TULP4: variants seen among roughly 807,000 people sequenced by gnomAD.
The protein encoded by TULP4 is TUB like protein 4.
A neutral mutation model predicts 129.0 loss-of-function variants in TULP4; 16 were observed. That is an observed-to-expected ratio of 0.12 (90% CI 0.08 to 0.19). The LOEUF (loss-of-function observed/expected upper bound fraction) is 0.19. TULP4 is among the 10% of genes least tolerant of loss of function. The probability of loss-of-function intolerance (pLI) is 1.00; values close to 1 mark genes in which losing one functional copy is unlikely to be tolerated. For synonymous variants in TULP4, 998 were observed against 854.0 expected (o/e 1.17, Z -2.94); for missense variants, 1,842 against 2,059.1 (o/e 0.89, Z 2.04).
intron 1 of TULP4, among the ~76,000 whole-genome samples, chr6:158,351,913 G>A (rs535771760): frequency 1.3e-4 from 19 of 151,740 alleles, no homozygotes; most frequent in Admixed American, 1.2e-3. Context: ...GTAGAGACAG[G>A]GTTTCACCAT....
rs768489332 is a variant in TULP4, at chr6:158,479,966, C to T, written c.1242C>T (p.Pro414=). The stretch of plus-strand genomic sequence containing the variant: ...CCTACCTCTCCACTGCCTTCATCCC[C>T]ACCATCAAGGTAAAGCCCTCCACCC... ...LCSYLSTAFI[P]TIKPPIPDPN... is the part of the protein sequence containing the mutation. Residue 414 remains proline (P), a synonymous_variant, in exon 7 of 14, where the codon CCC becomes CCT. Coordinates refer to ENST00000367097, the MANE Select transcript of TULP4 (RefSeq NM_020245.5). 6.2e-7 allele frequency: 1 copy of T among 1,605,576 alleles called. No homozygotes were observed. Among genetic ancestry groups the T allele is most frequent in the Non-Finnish European group, 8.5e-7 (1 of 1,178,192 alleles).
chr6:158,487,967 A>T (rs1780110689), intron 8 of TULP4, among the ~76,000 whole-genome samples: 1 of 152,188 alleles, frequency 6.6e-6, no homozygotes, highest in African/African-American at 2.4e-5. Flanking sequence ...GAGACAGACA[A>T]TAAAATAGTA....
chr6:158,440,293 G>C (rs1778858566), intron 3 of TULP4, among the ~76,000 whole-genome samples: 1 of 141,626 alleles, frequency 7.1e-6, no homozygotes, highest in Non-Finnish European at 1.5e-5. Context: ...ACTCCAGCCT[G>C]GATGACAGAG....
Position 158,368,019 on chromosome 6 carries a change from T to C in TULP4, c.253-45046T>C, listed in dbSNP as rs1357587444. ...GAGGTATGAGGATCACCCAAGCCCA[T>C]AGATCGAGGCTGCAGTGAGTCACTC... is the stretch of plus-strand genomic sequence containing the variant. On this transcript the variant is annotated intron_variant, in intron 1 of 13. Coordinates refer to ENST00000367097, the MANE Select transcript of TULP4 (RefSeq NM_020245.5). 2.4e-5 allele frequency among the ~76,000 whole-genome samples: 3 copies of C among 126,264 alleles called. No individual in the cohort carries two copies. In the East Asian group the frequency reaches 6.8e-4, roughly 29 times the overall value. The allele number at this position is 126,264 out of a possible 152,430, so 82.8% of individuals were successfully genotyped here. A position where few individuals can be genotyped will look rare whatever the true frequency, so the allele number is the denominator to read the frequency against.
intron 1 of TULP4, among the ~76,000 whole-genome samples, chr6:158,325,404 G>A (rs534537494): frequency 4.0e-5 from 6 of 150,510 alleles, no homozygotes; most frequent in Non-Finnish European, 7.4e-5. Context: ...CCAGGCTGGA[G>A]TGCAGTGGTT....
At position 158,502,073 on chromosome 6, in the gene TULP4, G is replaced by A. The variant is rs375609118; in HGVS notation, c.2410G>A (p.Ala804Thr). ...CGAACACCTGCAGAAGTCAGCCAAG[G>A]CCCTGCGGCCAACACCGCAGCTGGC... ...DHEHLQKSAK[A>T]LRPTPQLAAE... Residue 804 changes from alanine (A) to threonine (T), a missense_variant, in exon 13 of 14, where the codon GCC (alanine) becomes ACC (threonine). Physicochemically the swap from Ala to Thr is moderately conservative, Grantham distance 58. Around this residue, in one of 5 missense-constraint regions of TULP4, gnomAD observed 1,089 missense variants for 987.1 expected, o/e 1.10. Coordinates refer to ENST00000367097, the MANE Select transcript of TULP4 (RefSeq NM_020245.5). 6.2e-7 allele frequency: 1 copy of A among 1,612,676 alleles called. No homozygotes were observed. The highest frequency in any genetic ancestry group is 1.3e-5 in the African/African-American group (1 of 74,800).
At chr6:158,446,920 T>G (rs1779059946) in intron 3 of TULP4, among the ~76,000 whole-genome samples, 1 of 152,148 alleles carries the variant, frequency 6.6e-6, no homozygotes, top group South Asian at 2.1e-4. Context: ...TTGTCTAAAC[T>G]GAATCATCCC....
At chr6:158,428,234 C>T (rs1181606905) in intron 2 of TULP4, 4 of 152,196 alleles carry the variant, frequency 2.6e-5, no homozygotes, top group African/African-American at 7.2e-5. Flanking sequence ...GTCTACCAAA[C>T]TTTCAAGCAA....
At chr6:158,301,044 T>C (rs541765135) in intron 1 of TULP4, among the ~76,000 whole-genome samples, 2 of 152,244 alleles carry the variant, frequency 1.3e-5, no homozygotes, top group East Asian at 3.9e-4. Flanking sequence ...ATAGAAAGGG[T>C]GTCTACGTTG....
chr6:158,423,104 C>T lies in TULP4; in HGVS notation c.382-6632C>T, dbSNP rs1466943265. Among the ~76,000 whole-genome samples, 3 of 136,960 alleles carry T rather than the reference C, an allele frequency of 2.2e-5. No homozygotes were observed. In the Admixed American group the frequency reaches 2.4e-4, roughly 11 times the overall value. The allele number at this position is 136,960 out of a possible 152,430, so 89.9% of individuals were successfully genotyped here. A position where few individuals can be genotyped will look rare whatever the true frequency, so the allele number is the denominator to read the frequency against. ...CCTGCCTGGGCAATACAGCAAGACC[C>T]CTTCCTCCACAAAAAAGAGGGGGGG... On this transcript the variant is annotated intron_variant, in intron 2 of 13. Transcript: ENST00000367097.
Position 158,506,980 on chromosome 6 carries a change from G to A in TULP4, c.*286G>A, listed in dbSNP as rs528398839. On this transcript the variant is annotated 3_prime_UTR_variant, in exon 14 of 14. Transcript: ENST00000367097. ...TGTTCTTTCAGGAAACAGCTTGGCT[G>A]TGGTAATGCTCTACTGGGCCCTTCA... The A allele has an allele frequency of 5.6e-4, 240 of 426,710 alleles. No homozygotes were observed. Among genetic ancestry groups the A allele is most frequent in the African/African-American group, 4.3e-3 (215 of 49,626 alleles). The allele number at this position is 426,710 out of a possible 1,614,324, so 26.4% of individuals were successfully genotyped here.
chr6:158,502,088 C>T lies in TULP4; in HGVS notation c.2425C>T (p.Pro809Ser). ...QKSAKALRPTPQLAAEGDAVV... is the reference protein window; with the variant it reads ...QKSAKALRPTSQLAAEGDAVV... ...GTCAGCCAAGGCCCTGCGGCCAACA[C>T]CGCAGCTGGCAGCTGAGGGGGACGC... The change falls in exon 13 of 14, where the codon CCG (proline) becomes TCG (serine). Residue 809 changes from proline to serine, a missense_variant. Pro to Ser is a moderately conservative substitution (Grantham distance 74). Transcript: ENST00000367097. 2 of 1,611,858 alleles carry T rather than the reference C, an allele frequency of 1.2e-6. No individual in the cohort carries two copies. The highest frequency in any genetic ancestry group is 1.7e-6 in the Non-Finnish European group (2 of 1,178,896).
rs369244375 is a variant in TULP4, at chr6:158,234,582, T to C, written n.68+2279T>C. On this transcript the variant is annotated intron_variant and non_coding_transcript_variant, in intron 1 of 1. Coordinates refer to the TULP4 transcript ENST00000620026. ...TCTCCTGGAGAGAGTGAAGATAGAG[T>C]GGCTCAGCTATGCATGTGATTTGTA... Among the ~76,000 whole-genome samples the C allele has an allele frequency of 3.3e-5, 5 of 152,260 alleles. No homozygotes were observed. In the South Asian group the frequency reaches 1.0e-3, roughly 32 times the overall value.
intron 5 of TULP4, among the ~76,000 whole-genome samples, chr6:158,458,521 C>T (rs1779345744): frequency 6.6e-6 from 1 of 152,126 alleles, no homozygotes; most frequent in East Asian, 1.9e-4. Flanking sequence ...CTGAGTAGAG[C>T]ATTAGTTTGT....
At chr6:158,401,692 C>T (rs554543447) in intron 1 of TULP4, among the ~76,000 whole-genome samples, 2 of 152,206 alleles carry the variant, frequency 1.3e-5, no homozygotes, top group South Asian at 2.1e-4. Flanking sequence ...AGCTCATCTC[C>T]GTCTGTAGTG....
intron 1 of TULP4, among the ~76,000 whole-genome samples, chr6:158,317,185 G>GT (rs1321574228): frequency 5.3e-5 from 2 of 38,064 alleles, no homozygotes; most frequent in Admixed American, 8.5e-4. Context: ...TTACTTTTTT[G>GT]GTTTTTTTTG....
At chr6:158,443,094 C>T (rs1778938052) in intron 3 of TULP4, among the ~76,000 whole-genome samples, 1 of 152,162 alleles carries the variant, frequency 6.6e-6, no homozygotes, top group South Asian at 2.1e-4. Flanking sequence ...AGCGATTCTT[C>T]TGCCTCAGCC....
chr6:158,435,615 GC>G (rs1304200288), intron 3 of TULP4, among the ~76,000 whole-genome samples: 2 of 151,732 alleles, frequency 1.3e-5, no homozygotes, highest in African/African-American at 4.8e-5. Flanking sequence ...TTCCTCCATT[GC>G]CACAGCTGCA....
chr6:158,505,520 C>T (rs1582888672), intron 13 of TULP4, among the ~76,000 whole-genome samples: 1 of 152,238 alleles, frequency 6.6e-6, no homozygotes, highest in Non-Finnish European at 1.5e-5. Context: ...TTATTATCAG[C>T]CCCTCGCAGA....
Sources: gnomAD v4.1 joint callset for allele counts (sites outside exome capture counted in the v4.1 genomes callset) on GRCh38, gnomAD v4.1.1 for gene constraint, gnomAD v4.1.1 regional missense constraint, MANE v1.5 for transcripts, NCBI Gene and HGNC (gene_info 2026-07-23, HGNC 2026-07-21) for gene names.